Variants in DNAH5 observed in about 807,000 individuals in gnomAD.
The protein encoded by DNAH5 is dynein axonemal heavy chain 5.
DNAH5 carries 372 observed loss-of-function variants against 518.2 expected under a neutral mutation model. The observed-to-expected ratio is 0.72, with a 90% confidence interval of 0.66 to 0.78. DNAH5 has a LOEUF of 0.78. Among genes scored for constraint, DNAH5 ranks in the 30% least tolerant of loss-of-function variants. The pLI, the probability that DNAH5 is intolerant of heterozygous loss-of-function variation, is 0.00. For missense variants in DNAH5, 5,523 were observed against 5,687.0 expected, an observed-to-expected ratio of 0.97 and a Z score of 0.93; for synonymous variants, 2,039 against 2,025.9, an observed-to-expected ratio of 1.01 and a Z score of -0.17.
At chr5:13,981,320 G>A (rs1018055076) in intron 1 of DNAH5, among the ~76,000 whole-genome samples, 3 of 152,190 alleles carry the variant, frequency 2.0e-5, no homozygotes, top group Non-Finnish European at 4.4e-5. Flanking sequence ...AGCTCTTTAA[G>A]GTCACATATG....
At chr5:13,749,996 T>A (rs1221632647) in intron 65 of DNAH5, among the ~76,000 whole-genome samples, 3 of 152,148 alleles carry the variant, frequency 2.0e-5, no homozygotes, top group African/African-American at 4.8e-5. Flanking sequence ...TAAATGCTCC[T>A]AATGCAGCTT....
At chr5:13,768,917 C>T (rs746653562) in intron 58 of DNAH5, 43 bp downstream of exon 58, 2 of 1,608,242 alleles carry the variant, frequency 1.2e-6, no homozygotes, top group Admixed American at 1.7e-5. Flanking sequence ...TAGTCTGCCT[C>T]TTAAGCCCTA....
chr5:13,955,291 C>T (rs1420722653), intron 1 of DNAH5, among the ~76,000 whole-genome samples: 1 of 152,144 alleles, frequency 6.6e-6, no homozygotes, highest in Non-Finnish European at 1.5e-5. Context: ...TTTCCTGAGG[C>T]CTCCCCAACC....
chr5:13,754,247 G>A lies in DNAH5; in HGVS notation c.10511C>T (p.Thr3504Ile), dbSNP rs1259079613. The change falls in exon 62 of 79, where the codon ACA becomes ATA. Residue 3504 changes from threonine (T) to isoleucine (I), a missense_variant. Physicochemically the swap from Thr to Ile is moderately conservative, Grantham distance 89 (BLOSUM62 -1). Around this residue, in one of 3 missense-constraint regions of DNAH5, gnomAD observed 5,121 missense variants for 5,223.3 expected, o/e 0.98. Coordinates refer to ENST00000265104, the MANE Select transcript of DNAH5 (RefSeq NM_001369.3). ...SGLAGEKERW[T>I]EQSQEFAAQT... is the part of the protein sequence containing the mutation. Reference sequence around the variant, plus strand: ...TGCAGCAAACTCTTGGCTTTGCTCTGTCCATCTTTCTTTTTCACCTGCCAA... The same window carrying A: ...TGCAGCAAACTCTTGGCTTTGCTCTATCCATCTTTCTTTTTCACCTGCCAA... The A allele has an allele frequency of 6.2e-7, 1 of 1,614,034 alleles. No homozygotes were observed. Among genetic ancestry groups the A allele is most frequent in the Non-Finnish European group, 8.5e-7 (1 of 1,179,958 alleles).
chr5:13,837,822 T>C (rs1764610732), intron 35 of DNAH5, among the ~76,000 whole-genome samples: 2 of 148,136 alleles, frequency 1.4e-5, no homozygotes, highest in African/African-American at 2.5e-5. Context: ...TGCCTCAGCC[T>C]CCCGAGTAGC....
intron 51 of DNAH5, among the ~76,000 whole-genome samples, chr5:13,786,680 C>T (rs1756079591): frequency 6.6e-6 from 1 of 152,042 alleles, no homozygotes; most frequent in African/African-American, 2.4e-5. Flanking sequence ...TGCTGAATGT[C>T]AGAATCAGCA....
chr5:13,940,811 C>A (rs1779388487), intron 1 of DNAH5, among the ~76,000 whole-genome samples: 1 of 152,162 alleles, frequency 6.6e-6, no homozygotes, highest in African/African-American at 2.4e-5. Context: ...TTTCTCCTTA[C>A]TAGACTTGTG....
chr5:13,766,481 GAAAAAGAAT>G (rs1405676763), intron 58 of DNAH5, among the ~76,000 whole-genome samples: 1 of 152,188 alleles, frequency 6.6e-6, no homozygotes, highest in Non-Finnish European at 1.5e-5. Flanking sequence ...TAATCTGAAA[GAAAAAGAAT>G]AGTCAGCACA....
At chr5:13,884,937 C>T in intron 19 of DNAH5, 52 bp downstream of exon 19, 1 of 1,612,624 alleles carries the variant, frequency 6.2e-7, no homozygotes, top group South Asian at 1.1e-5. Flanking sequence ...CACACACATA[C>T]CCCAGCAACT....
chr5:14,011,704 G>C (rs1785148067), exon 1 of DNAH5, among the ~76,000 whole-genome samples: 1 of 152,132 alleles, frequency 6.6e-6, no homozygotes, highest in African/African-American at 2.4e-5. Flanking sequence ...GCGCTCCCCC[G>C]GTGCAGGGAG....
At chr5:13,708,464 G>C (rs539916918) in intron 75 of DNAH5, 129 bp from the exon 76 acceptor site, 1 of 836,492 alleles carries the variant, frequency 1.2e-6, no homozygotes. Context: ...CTAATTTATT[G>C]CATGGCAAAA....
chr5:13,858,098 A>C (rs1767877827), intron 30 of DNAH5, among the ~76,000 whole-genome samples: 1 of 152,144 alleles, frequency 6.6e-6, no homozygotes, highest in African/African-American at 2.4e-5. Flanking sequence ...AAATCAATCT[A>C]CTATAAAGAC....
chr5:13,944,423 T>C lies in DNAH5; in HGVS notation c.16A>G (p.Arg6Gly), dbSNP rs1486337189. 1 of 1,613,498 alleles carries C rather than the reference T, an allele frequency of 6.2e-7. No individual in the cohort carries two copies. Among genetic ancestry groups the C allele is most frequent in the African/African-American group, 1.3e-5 (1 of 75,034 alleles). MFRIG[R>G]RQLWKHSVTR... Reference sequence around the variant, plus strand: ...ACGCTATGCTTCCAGAGCTGTCTCCTCCCAATCCTAAACATTGTAGCCGTG... The same window carrying C: ...ACGCTATGCTTCCAGAGCTGTCTCCCCCCAATCCTAAACATTGTAGCCGTG... The change falls in exon 1 of 79, where the codon AGG (arginine) becomes GGG (glycine). Residue 6 changes from arginine to glycine, a missense_variant. By Grantham distance (125) the Arg-to-Gly change is moderately radical. This residue lies in a region of DNAH5 where 5,121 missense variants were observed against 5,223.3 expected (regional missense o/e 0.98). Transcript: ENST00000265104.
At chr5:13,989,749 C>T (rs1254053447) in intron 1 of DNAH5, among the ~76,000 whole-genome samples, 4 of 152,084 alleles carry the variant, frequency 2.6e-5, no homozygotes. Context: ...TCCCAAAGTG[C>T]TCGGATTACA....
intron 64 of DNAH5, among the ~76,000 whole-genome samples, chr5:13,751,614 T>C (rs897734996): frequency 1.3e-5 from 2 of 152,124 alleles, no homozygotes; most frequent in African/African-American, 2.4e-5. Flanking sequence ...CGAAAGAGTA[T>C]AAAAAGGTTT....
Position 13,717,460 on chromosome 5 carries a change from G to A in DNAH5, c.12560C>T (p.Ala4187Val), listed in dbSNP as rs1352692263. The A allele has an allele frequency of 6.2e-7, 1 of 1,614,194 alleles. No homozygotes were observed. The highest frequency in any genetic ancestry group is 2.2e-5 in the East Asian group (1 of 44,870). Residue 4187 changes from alanine (A) to valine (V), a missense_variant, in exon 73 of 79, where the codon GCA (alanine) becomes GTA (valine). This residue lies in a region of DNAH5 where 5,121 missense variants were observed against 5,223.3 expected (regional missense o/e 0.98). Transcript: ENST00000265104. ...SGSQWKPMLY[A>V]VAFLHSTVQE... is the part of the protein sequence containing the mutation. ...GACAGTGGAGTGCAGGAAAGCCACT[G>A]CGTACAGCATGGGCTTCCACTGGGA...
intron 1 of DNAH5, among the ~76,000 whole-genome samples, chr5:13,963,056 CTGTGTTT>C (rs1781290123): frequency 1.3e-5 from 2 of 152,070 alleles, no homozygotes. Flanking sequence ...CTCCCTCTCC[CTGTGTTT>C]ATACTGTTCC....
At chr5:13,916,506 T>C (rs1052011694) in intron 8 of DNAH5, 51 bp from the exon 9 acceptor site, 4 of 955,898 alleles carry the variant, frequency 4.2e-6, no homozygotes, top group Admixed American at 3.5e-5. Flanking sequence ...TTCAGCAAAA[T>C]TCTAATAGAC....
In DNAH5 at chr5:13,830,223, G is replaced by A; in HGVS notation, c.6062-10C>T. 2 of 1,611,226 alleles carry A rather than the reference G, an allele frequency of 1.2e-6. No individual in the cohort carries two copies. Among genetic ancestry groups the A allele is most frequent in the African/African-American group, 1.3e-5 (1 of 74,934 alleles). ...CCAGACTGTGCCAGTCCTTCGAAAG[G>A]AAATTAAATGAAAAATCCAATTAGT... is the stretch of plus-strand genomic sequence containing the variant. On this transcript the variant is annotated splice_polypyrimidine_tract_variant and intron_variant, in intron 36 of 78. Transcript: ENST00000265104.
Sources: allele counts gnomAD v4.1 joint callset (sites outside exome capture counted in the v4.1 genomes callset), GRCh38; gene constraint gnomAD v4.1.1; regional missense constraint gnomAD v4.1.1; transcripts MANE v1.5; gene names NCBI Gene and HGNC (gene_info 2026-07-23, HGNC 2026-07-21).